DNAH5: variants seen among roughly 807,000 people sequenced by gnomAD.
DNAH5 encodes axonemal beta dynein heavy chain 5.
Under a neutral mutation model 518.2 loss-of-function variants are expected in DNAH5, and 372 were observed. The observed-to-expected ratio is 0.72, with a 90% CI of 0.66 to 0.78. DNAH5 has a LOEUF of 0.78. DNAH5 is among the 30% of genes least tolerant of loss of function. DNAH5 has a pLI of 0.00. For synonymous variants in DNAH5, 2,039 were observed against 2,025.9 expected, an observed-to-expected ratio of 1.01 and a Z score of -0.17; for missense variants, 5,523 against 5,687.0, an observed-to-expected ratio of 0.97 and a Z score of 0.93.
chr5:13,724,634 C>T (rs1345864334), intron 70 of DNAH5, among the ~76,000 whole-genome samples: 2 of 152,110 alleles, frequency 1.3e-5, no homozygotes, highest in African/African-American at 4.8e-5. Flanking sequence ...AATGTAATCC[C>T]CAGTGATGAA....
intron 1 of DNAH5, among the ~76,000 whole-genome samples, chr5:13,954,812 A>G (rs1331562128): frequency 1.3e-5 from 2 of 152,120 alleles, no homozygotes; most frequent in Non-Finnish European, 2.9e-5. Context: ...TGCCTTCCAC[A>G]TTGGGACATC....
intron 25 of DNAH5, among the ~76,000 whole-genome samples, chr5:13,867,424 T>C (rs1769413200): frequency 6.6e-6 from 1 of 152,180 alleles, no homozygotes; most frequent in African/African-American, 2.4e-5. Flanking sequence ...TTCTCCTTCC[T>C]GTTGCCTTGT....
At chr5:13,812,778 C>T (rs1760890901) in intron 43 of DNAH5, among the ~76,000 whole-genome samples, 1 of 152,198 alleles carries the variant, frequency 6.6e-6, no homozygotes, top group Admixed American at 6.5e-5. Context: ...ATAAATACCA[C>T]TTAACACACA....
intron 13 of DNAH5, 110 bp downstream of exon 13, chr5:13,901,943 A>T: frequency 1.2e-6 from 1 of 826,746 alleles, no homozygotes; most frequent in Non-Finnish European, 1.9e-6. Context: ...CAAATTGCCA[A>T]GAGAGGTTTT....
chr5:13,911,587 GC>G, intron 11 of DNAH5, 94 bp from the exon 12 acceptor site: 1 of 988,276 alleles, frequency 1.0e-6, no homozygotes, highest in Non-Finnish European at 1.5e-6. Flanking sequence ...TACAATAATT[GC>G]CAGAAAAAAA....
In DNAH5 at chr5:13,735,351, A is replaced by G. The variant is rs572079738; in HGVS notation, c.11571-30T>C. On this transcript the variant is annotated intron_variant, in intron 67 of 78. Transcript: ENST00000265104. ...TGAATAGAATATTTAAATCAGGCTTATCCCACTGCCCTTTTCAATTGTCTG... is the reference window on the plus strand; with the variant it reads ...TGAATAGAATATTTAAATCAGGCTTGTCCCACTGCCCTTTTCAATTGTCTG... The G allele has an allele frequency of 7.5e-6, 12 of 1,595,636 alleles. No individual in the cohort carries two copies. The East Asian group carries it at 2.7e-4, about 36-fold the overall frequency.
chr5:13,948,008 C>G (rs1780064870), upstream of DNAH5, among the ~76,000 whole-genome samples: 1 of 152,156 alleles, frequency 6.6e-6, no homozygotes, highest in South Asian at 2.1e-4. Context: ...GTGTCCTTAC[C>G]AGAGCTTGTG....
intron 15 of DNAH5, among the ~76,000 whole-genome samples, chr5:13,897,253 G>A (rs11948358): frequency 0.28 from 42,368 of 151,834 alleles, 6,168 homozygotes; most frequent in South Asian, 0.4. Context: ...GGTTCTATTC[G>A]CAGCTACTTA....
intron 65 of DNAH5, among the ~76,000 whole-genome samples, chr5:13,747,558 G>A (rs1440522385): frequency 6.6e-6 from 1 of 152,124 alleles, no homozygotes; most frequent in Non-Finnish European, 1.5e-5. Context: ...GTTGCTTCCT[G>A]ACTTTTTAAT....
intron 1 of DNAH5, among the ~76,000 whole-genome samples, chr5:13,932,831 T>G (rs1778549736): frequency 6.6e-6 from 1 of 152,222 alleles, no homozygotes; most frequent in Admixed American, 6.5e-5. Context: ...AGCTTTTGGA[T>G]GTGTAAGATT....
At chr5:13,830,947 A>G (rs1763597391) in intron 35 of DNAH5, among the ~76,000 whole-genome samples, 172 bp from the exon 36 acceptor site, 1 of 152,194 alleles carries the variant, frequency 6.6e-6, no homozygotes. Flanking sequence ...ATGTTAACAT[A>G]TGTTGAGGAA....
chr5:13,839,792 A>G (rs1370793354), intron 34 of DNAH5, among the ~76,000 whole-genome samples: 1 of 152,242 alleles, frequency 6.6e-6, no homozygotes, highest in African/African-American at 2.4e-5. Flanking sequence ...TATTTTAATA[A>G]TAAGATATTA....
At chr5:13,717,188 C>A (rs906933901) in intron 73 of DNAH5, 127 bp downstream of exon 73, 1 of 880,278 alleles carries the variant, frequency 1.1e-6, no homozygotes, top group Non-Finnish European at 1.8e-6. Context: ...ATTGCTATGA[C>A]TTAAAGATGA....
At chr5:13,860,085 GTCTCTT>G (rs1163249736) in intron 29 of DNAH5, among the ~76,000 whole-genome samples, 10 of 152,066 alleles carry the variant, frequency 6.6e-5, no homozygotes, top group African/African-American at 2.4e-4. Context: ...CCTTTTCTGA[GTCTCTT>G]TCTAACTTCC....
chr5:13,923,346 A>T lies in DNAH5; in HGVS notation c.372T>A (p.Thr124=). 1 of 1,614,202 alleles carries T rather than the reference A, an allele frequency of 6.2e-7. No homozygotes were observed. The highest frequency in any genetic ancestry group is 8.5e-7 in the Non-Finnish European group (1 of 1,180,022). ...TCCTGATGAAGAACACACATACCCC[A>T]GTAAGAGCCACATCGTTTCCCTCGG... ...FVTEGNDVAL[T]GVCVFFIRTD... is the part of the protein sequence containing the mutation. Residue 124 remains threonine (T), a synonymous_variant, in exon 4 of 79, where the codon ACT becomes ACA. Coordinates refer to ENST00000265104, the MANE Select transcript of DNAH5 (RefSeq NM_001369.3).
chr5:13,746,789 A>AT (rs530605741), intron 65 of DNAH5, among the ~76,000 whole-genome samples: 2 of 151,754 alleles, frequency 1.3e-5, no homozygotes, highest in East Asian at 1.9e-4. Flanking sequence ...CCCTTGGCTC[A>AT]TTTTTTTTCT....
At chr5:13,765,832 G>A in intron 59 of DNAH5, 144 bp downstream of exon 59, 4 of 903,258 alleles carry the variant, frequency 4.4e-6, no homozygotes, top group Non-Finnish European at 5.4e-6. Context: ...TGCTTATAAT[G>A]TTTTATATTT....
intron 65 of DNAH5, 26 bp from the exon 66 acceptor site, chr5:13,737,521 C>G (rs754141580): frequency 2.5e-6 from 4 of 1,610,376 alleles, no homozygotes; most frequent in Non-Finnish European, 3.4e-6. Flanking sequence ...AATATATTTT[C>G]TACCTCAATT....
At chr5:13,981,014 C>T (rs1029422765) in intron 1 of DNAH5, among the ~76,000 whole-genome samples, 2 of 152,192 alleles carry the variant, frequency 1.3e-5, no homozygotes, top group Non-Finnish European at 2.9e-5. Context: ...AACTTCTGAT[C>T]CCCACTATAT....
Sources: allele counts gnomAD v4.1 joint callset (sites outside exome capture counted in the v4.1 genomes callset), GRCh38; gene constraint gnomAD v4.1.1; transcripts MANE v1.5; gene names NCBI Gene and HGNC (gene_info 2026-07-23, HGNC 2026-07-21).